Variants in GPHN observed in about 807,000 individuals in gnomAD.
GPHN encodes the protein gephyrin.
A neutral mutation model predicts 95.5 loss-of-function variants in GPHN; 17 were observed. That is an observed-to-expected ratio of 0.18 (90% CI 0.12 to 0.27). GPHN has a LOEUF of 0.27. GPHN is among the 10% of genes least tolerant of loss of function. The probability of loss-of-function intolerance (pLI) is 1.00; values close to 1 mark genes in which losing one functional copy is unlikely to be tolerated. For synonymous variants in GPHN, 320 were observed against 322.5 expected (o/e 0.99, Z 0.08); for missense variants, 660 against 978.1 (o/e 0.67, Z 4.34).
the GPHN span, among the ~76,000 whole-genome samples, chr14:67,419,902 A>C: frequency 1.3e-5 from 2 of 151,914 alleles, no homozygotes; most frequent in Non-Finnish European, 2.9e-5. Flanking sequence ...GTGGGTCTGC[A>C]TCTCCCCAGA....
chr14:67,568,417 G>A, the GPHN span, among the ~76,000 whole-genome samples: 1 of 152,088 alleles, frequency 6.6e-6, no homozygotes, highest in Non-Finnish European at 1.5e-5. Flanking sequence ...GACACAGGGA[G>A]GGGAACATAC....
the GPHN span, chr14:67,587,408 T>C: frequency 1.4e-6 from 1 of 706,734 alleles, no homozygotes; most frequent in Admixed American, 2.6e-5. Flanking sequence ...TTATAATGTT[T>C]CAGGGCTCAA....
At chr14:66,581,541 T>A (rs2061172621) in intron 1 of GPHN, among the ~76,000 whole-genome samples, 1 of 152,000 alleles carries the variant, frequency 6.6e-6, no homozygotes, top group African/African-American at 2.4e-5. Context: ...AGTAAATCCT[T>A]ACCTATAAAT....
chr14:66,733,062 G>A (rs753420081), intron 2 of GPHN, among the ~76,000 whole-genome samples: 9 of 152,098 alleles, frequency 5.9e-5, no homozygotes, highest in Non-Finnish European at 1.3e-4. Context: ...AGTCAAGGGA[G>A]GGAGCTGTAA....
At chr14:67,395,674 G>A in the GPHN span, 5 of 982,700 alleles carry the variant, frequency 5.1e-6, no homozygotes, top group South Asian at 7.4e-5. Flanking sequence ...GAGAATCTAG[G>A]TGACAGTGAC....
intron 4 of GPHN, among the ~76,000 whole-genome samples, chr14:66,869,372 T>A (rs575387845): frequency 6.6e-6 from 1 of 152,230 alleles, no homozygotes; most frequent in African/African-American, 2.4e-5. Flanking sequence ...TATCTTTCTC[T>A]TGTTATATTT....
chr14:67,086,817 T>C (rs1178100132), intron 11 of GPHN, among the ~76,000 whole-genome samples: 1 of 150,998 alleles, frequency 6.6e-6, no homozygotes, highest in Non-Finnish European at 1.5e-5. Flanking sequence ...GGTGGGCGGA[T>C]CATGAGGTCA....
chr14:66,770,837 C>G (rs2059140184), intron 2 of GPHN, among the ~76,000 whole-genome samples: 1 of 143,670 alleles, frequency 7.0e-6, no homozygotes, highest in African/African-American at 2.9e-5. Flanking sequence ...TATTATTGTT[C>G]TTAATCTATT....
chr14:66,654,141 C>CT (rs2065189914), intron 1 of GPHN, among the ~76,000 whole-genome samples: 1 of 152,008 alleles, frequency 6.6e-6, no homozygotes, highest in East Asian at 1.9e-4. Flanking sequence ...TATCTCATTA[C>CT]ATTTTTTTGT....
the GPHN span, chr14:67,271,960 A>G: frequency 1.3e-5 from 2 of 151,820 alleles, no homozygotes; most frequent in African/African-American, 2.4e-5. Flanking sequence ...AATCTCAGCT[A>G]CTCAGGAGGC....
At chr14:67,321,360 T>G in the GPHN span, 6 of 1,079,930 alleles carry the variant, frequency 5.6e-6, no homozygotes, top group South Asian at 8.5e-5. Flanking sequence ...CGCGACCTAA[T>G]TAAGTTCTCA....
chr14:67,014,172 A>G (rs1157224847), intron 9 of GPHN, among the ~76,000 whole-genome samples: 2 of 152,148 alleles, frequency 1.3e-5, no homozygotes, highest in African/African-American at 2.4e-5. Flanking sequence ...AGTAGGAACA[A>G]CAATATAGTA....
the GPHN span, among the ~76,000 whole-genome samples, chr14:67,393,602 T>C: frequency 6.6e-6 from 1 of 152,084 alleles, no homozygotes; most frequent in East Asian, 1.9e-4. Flanking sequence ...TACAGACATT[T>C]GCCACCACAC....
chr14:67,584,784 G>A, the GPHN span, among the ~76,000 whole-genome samples: 1 of 152,288 alleles, frequency 6.6e-6, no homozygotes, highest in East Asian at 1.9e-4. Flanking sequence ...ATCTAGTGCA[G>A]GAGATGTATA....
At chr14:66,769,841 T>C (rs1566925206) in intron 2 of GPHN, among the ~76,000 whole-genome samples, 1 of 152,206 alleles carries the variant, frequency 6.6e-6, no homozygotes, top group Non-Finnish European at 1.5e-5. Flanking sequence ...TTTGGGTATA[T>C]ACCCAGTAGT....
the GPHN span, among the ~76,000 whole-genome samples, chr14:67,598,257 C>T: frequency 6.6e-6 from 1 of 152,086 alleles, no homozygotes; most frequent in Non-Finnish European, 1.5e-5. Flanking sequence ...AAGGAAGATG[C>T]GGTCACTGAT....
chr14:66,839,167 TAAACCTCTCTTGTATGTA>T (rs971688600), intron 4 of GPHN, among the ~76,000 whole-genome samples: 12 of 152,216 alleles, frequency 7.9e-5, no homozygotes, highest in African/African-American at 2.9e-4. Context: ...AAAGAAGCAG[TAAACCTCTCTTGTATGTA>T]CAGTTTGAAA....
intron 9 of GPHN, among the ~76,000 whole-genome samples, chr14:66,987,854 G>C (rs1441427653): frequency 6.6e-6 from 1 of 152,034 alleles, no homozygotes; most frequent in Non-Finnish European, 1.5e-5. Context: ...ATAATGCTAT[G>C]ATCTTATTTT....
At chr14:67,684,335 G>T in the GPHN span, among the ~76,000 whole-genome samples, 1 of 152,124 alleles carries the variant, frequency 6.6e-6, no homozygotes, top group Non-Finnish European at 1.5e-5. Flanking sequence ...GTGATGCCTG[G>T]GATTTGCTTC....
Sources: gnomAD v4.1 joint callset for allele counts (sites outside exome capture counted in the v4.1 genomes callset) on GRCh38, gnomAD v4.1.1 for gene constraint, MANE v1.5 for transcripts, NCBI Gene and HGNC (gene_info 2026-07-23, HGNC 2026-07-21) for gene names.